The following DCAF8L2 variants were observed in gnomAD, a reference collection of about 807,000 sequenced individuals.
The protein encoded by DCAF8L2 is DDB1- and CUL4-associated factor 8-like protein 2.
For missense variants in DCAF8L2, 430 were observed against 490.7 expected, an observed-to-expected ratio of 0.88 and a Z score of 1.17; for synonymous variants, 200 against 190.9, an observed-to-expected ratio of 1.05 and a Z score of -0.39.
chrX:27,749,778 T>C lies in DCAF8L2; in HGVS notation c.*987T>C, dbSNP rs1452738930. On this transcript the variant is annotated 3_prime_UTR_variant, in exon 5 of 5. Transcript: ENST00000451261. The stretch of plus-strand genomic sequence containing the variant: ...TTGTTTATACTTACACATAACCATT[T>C]GGTGTAATTGGTAGAAAAATCCTAT... Among the ~76,000 whole-genome samples, 2 of 112,416 alleles carry C rather than the reference T, an allele frequency of 1.8e-5. No homozygotes were observed. Among genetic ancestry groups the C allele is most frequent in the African/African-American group, 6.5e-5 (2 of 30,948 alleles).
the DCAF8L2 span, among the ~76,000 whole-genome samples, chrX:27,479,927 T>C: frequency 8.9e-6 from 1 of 112,111 alleles, no homozygotes; most frequent in South Asian, 3.7e-4. Context: ...AAGAAATCTC[T>C]GGATGGCCTA....
At chrX:27,677,796 C>T (rs1930192111) in intron 2 of DCAF8L2, 40 bp from the exon 3 acceptor site, 1 of 111,548 alleles carries the variant, frequency 9.0e-6, no homozygotes, top group Non-Finnish European at 1.9e-5. Flanking sequence ...TTATCATAAC[C>T]TTAATGAGAC....
the DCAF8L2 span, among the ~76,000 whole-genome samples, chrX:27,499,801 C>T: frequency 8.5e-4 from 90 of 105,377 alleles, no homozygotes; most frequent in African/African-American, 2.9e-3. Flanking sequence ...CCACCCGCAA[C>T]ACTGAGGATT....
At chrX:27,681,204 TAC>T (rs750698716) in intron 3 of DCAF8L2, among the ~76,000 whole-genome samples, 355 of 106,566 alleles carry the variant, frequency 3.3e-3, no homozygotes, top group African/African-American at 4.3e-3. Context: ...AGAAATTAAA[TAC>T]ACACACACAC....
intron 2 of DCAF8L2, among the ~76,000 whole-genome samples, chrX:27,662,866 A>C (rs1218798120): frequency 2.7e-5 from 3 of 111,787 alleles, no homozygotes; most frequent in Non-Finnish European, 5.6e-5. Context: ...GATCTGATGC[A>C]CAGAAGTTCA....
chrX:27,490,478 T>G, the DCAF8L2 span, among the ~76,000 whole-genome samples: 53 of 110,928 alleles, frequency 4.8e-4, no homozygotes, highest in African/African-American at 1.5e-3. Flanking sequence ...TGTTTTTTTT[T>G]GGAGACGGAG....
At chrX:27,562,406 C>T in the DCAF8L2 span, among the ~76,000 whole-genome samples, 2 of 112,370 alleles carry the variant, frequency 1.8e-5, no homozygotes, top group African/African-American at 6.5e-5. Context: ...CACTTATCAC[C>T]AGGAGTCCTC....
At chrX:27,691,010 A>G (rs769805317) in intron 3 of DCAF8L2, among the ~76,000 whole-genome samples, 63 of 111,554 alleles carry the variant, frequency 5.6e-4, no homozygotes, top group Non-Finnish European at 1.0e-3. Flanking sequence ...AGGGATGAAA[A>G]CACATTTCCC....
chrX:27,634,984 A>ACATT (rs200376514), intron 2 of DCAF8L2, among the ~76,000 whole-genome samples: 165 of 98,676 alleles, frequency 1.7e-3, no homozygotes, highest in African/African-American at 6.0e-3. Context: ...ACACACACAC[A>ACATT]TATATAGAGA....
chrX:27,580,159 C>T, the DCAF8L2 span, among the ~76,000 whole-genome samples: 8 of 110,548 alleles, frequency 7.2e-5, no homozygotes, highest in Non-Finnish European at 1.9e-5. Flanking sequence ...ATCTAGGACT[C>T]AAGTGAGGTG....
At chrX:27,689,298 C>T (rs1206598988) in intron 3 of DCAF8L2, among the ~76,000 whole-genome samples, 1 of 112,488 alleles carries the variant, frequency 8.9e-6, no homozygotes, top group Admixed American at 9.4e-5. Context: ...GGCTGGAGTG[C>T]AGTGGCATGA....
At chrX:27,720,203 G>A (rs780025120) in intron 4 of DCAF8L2, among the ~76,000 whole-genome samples, 1 of 110,382 alleles carries the variant, frequency 9.1e-6, no homozygotes, top group South Asian at 3.8e-4. Flanking sequence ...TATATATGTG[G>A]GTCTATTTCT....
chrX:27,527,982 AT>A, the DCAF8L2 span, among the ~76,000 whole-genome samples: 1 of 71,660 alleles, frequency 1.4e-5, no homozygotes, highest in African/African-American at 9.9e-5. Flanking sequence ...TTCCAATTTA[AT>A]TTAATTAATT....
intron 3 of DCAF8L2, among the ~76,000 whole-genome samples, chrX:27,705,473 C>T (rs1931310887): frequency 9.0e-6 from 1 of 111,387 alleles, no homozygotes; most frequent in South Asian, 3.7e-4. Context: ...CATTCTTTTT[C>T]ATTATAGCCA....
intron 2 of DCAF8L2, among the ~76,000 whole-genome samples, chrX:27,666,310 A>C (rs1439826579): frequency 8.9e-6 from 1 of 112,031 alleles, no homozygotes; most frequent in East Asian, 2.8e-4. Flanking sequence ...ACCTCAGAGA[A>C]AATTGGGAGG....
chrX:27,704,258 G>A (rs1230966279), intron 3 of DCAF8L2, among the ~76,000 whole-genome samples: 15 of 56,200 alleles, frequency 2.7e-4, no homozygotes, highest in Non-Finnish European at 4.9e-4. Flanking sequence ...ACGTATGTAC[G>A]TATATATACG....
chrX:27,715,111 G>A (rs1232201172), intron 3 of DCAF8L2, among the ~76,000 whole-genome samples: 2 of 110,554 alleles, frequency 1.8e-5, no homozygotes, highest in East Asian at 5.7e-4. Flanking sequence ...ACTGAGAGTA[G>A]GCCGGGCACG....
chrX:27,498,138 T>A, the DCAF8L2 span, among the ~76,000 whole-genome samples: 1 of 112,636 alleles, frequency 8.9e-6, no homozygotes, highest in Non-Finnish European at 1.9e-5. Flanking sequence ...GCTATAAATA[T>A]AAGTGTGCAA....
intron 1 of DCAF8L2, among the ~76,000 whole-genome samples, chrX:27,616,524 A>T (rs1470206928): frequency 8.9e-6 from 1 of 111,778 alleles, no homozygotes; most frequent in Non-Finnish European, 1.9e-5. Flanking sequence ...ATTGAAATTA[A>T]TTTAAGCTGA....
Sources: gnomAD v4.1 joint callset for allele counts (sites outside exome capture counted in the v4.1 genomes callset) on GRCh38, gnomAD v4.1.1 for gene constraint, MANE v1.5 for transcripts, NCBI Gene and HGNC (gene_info 2026-07-23, HGNC 2026-07-21) for gene names.